Variants in BMP2 observed in about 807,000 individuals in gnomAD.
The protein encoded by BMP2 is bone morphogenetic protein 2A.
Under a neutral mutation model 28.8 loss-of-function variants are expected in BMP2, and 2 were observed. The ratio of observed to expected loss-of-function variants is 0.07; its 90% CI spans 0.03 to 0.22. The LOEUF (loss-of-function observed/expected upper bound fraction) is 0.22. Ranked by LOEUF, BMP2 falls within the 10% of genes least tolerant of loss-of-function variation. The pLI, the probability that BMP2 is intolerant of heterozygous loss-of-function variation, is 1.00. For missense variants in BMP2, 437 were observed against 517.7 expected (o/e 0.84, Z 1.51); for synonymous variants, 218 against 204.3 (o/e 1.07, Z -0.57).
rs1357796653 is a variant in BMP2 at position 6,768,053 on chromosome 20, G to A, written c.-830G>A. 3 of 398,100 alleles carry A rather than the reference G, an allele frequency of 7.5e-6. No individual in the cohort carries two copies. Among genetic ancestry groups the A allele is most frequent in the Non-Finnish European group, 1.3e-5 (3 of 225,884 alleles). The allele number at this position is 398,100 out of a possible 1,614,324, so 24.7% of individuals were successfully genotyped here. A position where few individuals can be genotyped will look rare whatever the true frequency, so the allele number is the denominator to read the frequency against. On this transcript the variant is annotated 5_prime_UTR_variant, in exon 1 of 3. Transcript: ENST00000378827. ...CGGAGCACCTACTGCAGGAGATCGG[G>A]GGCCTGGGACGCGCTGGCCGAGGTG...
In BMP2 at chr20:6,770,416, A is replaced by G. The variant is rs1285712947; in HGVS notation, c.290A>G (p.His97Arg). The G allele has an allele frequency of 1.9e-6, 3 of 1,610,470 alleles. No individual in the cohort carries two copies. The highest frequency in any genetic ancestry group is 1.3e-5 in the African/African-American group (1 of 74,854). The change falls in exon 2 of 3, where the codon CAC (histidine) becomes CGC (arginine). Residue 97 changes from histidine (H) to arginine (R), a missense_variant. His to Arg is a conservative substitution (Grantham distance 29). This residue lies in a region of BMP2 where 363 missense variants were observed against 392.8 expected (regional missense o/e 0.92). Coordinates refer to ENST00000378827, the MANE Select transcript of BMP2 (RefSeq NM_001200.4). ...SGQPGSPAPD[H>R]RLERAASRAN... Reference sequence around the variant, plus strand: ...CAGCCGGGCTCACCCGCCCCAGACCACCGGTTGGAGAGGGCAGCCAGCCGA... The same window carrying G: ...CAGCCGGGCTCACCCGCCCCAGACCGCCGGTTGGAGAGGGCAGCCAGCCGA...
chr20:6,770,285 C>A lies in BMP2; in HGVS notation c.159C>A (p.Phe53Leu). 6.2e-7 allele frequency: 1 copy of A among 1,613,456 alleles called. No individual in the cohort carries two copies. The highest frequency in any genetic ancestry group is 8.5e-7 in the Non-Finnish European group (1 of 1,179,884). ...SQPSDEVLSEFELRLLSMFGL... is the reference protein window; with the variant it reads ...SQPSDEVLSELELRLLSMFGL... ...CCTCTGACGAGGTCCTGAGCGAGTTCGAGTTGCGGCTGCTCAGCATGTTCG... is the reference window on the plus strand; with the variant it reads ...CCTCTGACGAGGTCCTGAGCGAGTTAGAGTTGCGGCTGCTCAGCATGTTCG... Residue 53 changes from phenylalanine to leucine, a missense_variant, in exon 2 of 3, where the codon TTC becomes TTA. Transcript: ENST00000378827.
rs147542801 is a variant in BMP2 at position 6,778,789 on chromosome 20, G to A, written c.891G>A (p.Lys297=). 4.2e-4 allele frequency: 677 copies of A among 1,614,194 alleles called. 1 individual carries two copies. Among genetic ancestry groups the A allele is most frequent in the Middle Eastern group, 1.6e-3 (10 of 6,062 alleles). Residue 297 remains lysine, a synonymous_variant, in exon 3 of 3, where the codon AAG becomes AAA. Transcript: ENST00000378827. The surrounding 1 kb of genome is among the most constrained non-coding windows in gnomAD (Gnocchi z 5.0). ...GGAAACGCCTTAAGTCCAGCTGTAAGAGACACCCTTTGTACGTGGACTTCA... is the reference window on the plus strand; with the variant it reads ...GGAAACGCCTTAAGTCCAGCTGTAAAAGACACCCTTTGTACGTGGACTTCA... ...KQRKRLKSSC[K]RHPLYVDFSD... is the part of the protein sequence containing the mutation.
intron 2 of BMP2, among the ~76,000 whole-genome samples, chr20:6,774,268 G>A (rs1441365431): frequency 6.6e-6 from 1 of 152,014 alleles, no homozygotes; most frequent in East Asian, 1.9e-4. Flanking sequence ...GCTAATACCT[G>A]TAATCCCAGC....
At position 6,770,542 on chromosome 20, in the gene BMP2, G is replaced by C. The variant is rs943783571; in HGVS notation, c.346+70G>C. ...AGCCCTCCACCGTGGGCAGACTGCA[G>C]CCGTCCCTGTAGAGGCAGCTTGGCC... On this transcript the variant is annotated intron_variant, in intron 2 of 2. Coordinates refer to ENST00000378827, the MANE Select transcript of BMP2 (RefSeq NM_001200.4). The C allele has an allele frequency of 2.7e-6, 4 of 1,455,126 alleles. No individual in the cohort carries two copies. The Admixed American group carries it at 9.5e-5, about 35-fold the overall frequency. The allele number at this position is 1,455,126 out of a possible 1,614,324, so 90.1% of individuals were successfully genotyped here. A position where few individuals can be genotyped will look rare whatever the true frequency, so the allele number is the denominator to read the frequency against.
Position 6,769,612 on chromosome 20 carries a change from G to GGTGTGTGTGTGTGTGT in BMP2, c.-7-487_-7-472dup, listed in dbSNP as rs61071559. ...GCTTACAGGGTCTGGAAGCTATAAG[G>GGTGTGTGTGTGTGTGT]GTGTGTGTGTGTGTGTGTGTGTGTG... On this transcript the variant is annotated intron_variant, in intron 1 of 2. Transcript: ENST00000378827. Among the ~76,000 whole-genome samples the GGTGTGTGTGTGTGTGT allele has an allele frequency of 2.4e-3, 331 of 139,990 alleles. 5 individuals carry two copies. Among genetic ancestry groups the GGTGTGTGTGTGTGTGT allele is most frequent in the South Asian group, 6.1e-3 (26 of 4,242 alleles). 91.8% of individuals were successfully genotyped at this position (139,990 alleles called of 152,430 possible).
In BMP2 at chr20:6,778,623, G is replaced by T; in HGVS notation, c.725G>T (p.Arg242Ile). The change falls in exon 3 of 3, where the codon AGA (arginine) becomes ATA (isoleucine). Residue 242 changes from arginine (R) to isoleucine (I), a missense_variant. This residue lies in a region of BMP2 where 363 missense variants were observed against 392.8 expected (regional missense o/e 0.92). Coordinates refer to ENST00000378827, the MANE Select transcript of BMP2 (RefSeq NM_001200.4). The surrounding 1 kb of genome is among the most constrained non-coding windows in gnomAD (Gnocchi z 5.0). ...GAGGAGAAACAAGGTGTCTCCAAGA[G>T]ACATGTTAGGATAAGCAGGTCTTTG... is the stretch of plus-strand genomic sequence containing the variant. The part of the protein sequence containing the change: ...HLEEKQGVSK[R>I]HVRISRSLHQ... 6.2e-7 allele frequency: 1 copy of T among 1,614,082 alleles called. No individual in the cohort carries two copies. Among genetic ancestry groups the T allele is most frequent in the Non-Finnish European group, 8.5e-7 (1 of 1,179,968 alleles).
rs2122389750 is a variant in BMP2 at position 6,778,147 on chromosome 20, G to A, written c.347-98G>A. 2 of 1,491,018 alleles carry A rather than the reference G, an allele frequency of 1.3e-6. No individual in the cohort carries two copies. The highest frequency in any genetic ancestry group is 2.3e-5 in the East Asian group (1 of 43,676). The allele number at this position is 1,491,018 out of a possible 1,614,324, so 92.4% of individuals were successfully genotyped here. ...CATGGGTTACATCAAATCCCACGAT[G>A]AGGTTTAAAAATTCTCATAGATAAT... On this transcript the variant is annotated intron_variant, in intron 2 of 2. Coordinates refer to ENST00000378827, the MANE Select transcript of BMP2 (RefSeq NM_001200.4). The surrounding 1 kb of genome is among the most constrained non-coding windows in gnomAD (Gnocchi z 5.0).
At chr20:6,773,247 C>T (rs536441416) in intron 2 of BMP2, among the ~76,000 whole-genome samples, 10 of 152,308 alleles carry the variant, frequency 6.6e-5, no homozygotes, top group African/African-American at 2.2e-4. Context: ...ATAACTATTG[C>T]CCTGCATTAG....
At position 6,778,852 on chromosome 20, in the gene BMP2, G is replaced by A. The variant is rs778084596; in HGVS notation, c.954G>A (p.Pro318=). The A allele has an allele frequency of 8.7e-6, 14 of 1,614,074 alleles. No individual in the cohort carries two copies. The highest frequency in any genetic ancestry group is 3.3e-5 in the Admixed American group (2 of 60,014). The change falls in exon 3 of 3, where the codon CCG becomes CCA. Residue 318 remains proline (P), a synonymous_variant. Transcript: ENST00000378827. The surrounding 1 kb of genome is among the most constrained non-coding windows in gnomAD (Gnocchi z 5.0). ...VGWNDWIVAP[P]GYHAFYCHGE... ...GGAATGACTGGATTGTGGCTCCCCC[G>A]GGGTATCACGCCTTTTACTGCCACG...
chr20:6,771,500 C>A (rs1430936957), intron 2 of BMP2, among the ~76,000 whole-genome samples: 2 of 152,152 alleles, frequency 1.3e-5, no homozygotes, highest in African/African-American at 2.4e-5. Flanking sequence ...GAGTGAAGTT[C>A]TCTTTCTTGC....
intron 1 of BMP2, 146 bp from the exon 2 acceptor site, chr20:6,769,974 C>G (rs544133584): frequency 1.0e-5 from 8 of 761,974 alleles, no homozygotes; most frequent in South Asian, 9.4e-5. Flanking sequence ...GAGCTTCGGT[C>G]GGTCTTACCT....
chr20:6,773,649 A>G (rs1373580371), intron 2 of BMP2, among the ~76,000 whole-genome samples: 1 of 152,218 alleles, frequency 6.6e-6, no homozygotes, highest in Non-Finnish European at 1.5e-5. Context: ...GTTGTTGATG[A>G]CAACCATGCT....
In BMP2 at chr20:6,778,741, A is replaced by G; in HGVS notation, c.843A>G (p.Lys281=). Residue 281 remains lysine (K), a synonymous_variant, in exon 3 of 3, where the codon AAA becomes AAG. Coordinates refer to ENST00000378827, the MANE Select transcript of BMP2 (RefSeq NM_001200.4). The surrounding 1 kb of genome is among the most constrained non-coding windows in gnomAD (Gnocchi z 5.0). ...GGCATCCTCTCCACAAAAGAGAAAAACGTCAAGCCAAACACAAACAGCGGA... is the reference window on the plus strand; with the variant it reads ...GGCATCCTCTCCACAAAAGAGAAAAGCGTCAAGCCAAACACAAACAGCGGA... ...GKGHPLHKRE[K]RQAKHKQRKR... 1 of 1,614,156 alleles carries G rather than the reference A, an allele frequency of 6.2e-7. No individual in the cohort carries two copies. The highest frequency in any genetic ancestry group is 8.5e-7 in the Non-Finnish European group (1 of 1,180,028).
chr20:6,772,266 T>C (rs1381503873), intron 2 of BMP2, among the ~76,000 whole-genome samples: 1 of 152,242 alleles, frequency 6.6e-6, no homozygotes, highest in Non-Finnish European at 1.5e-5. Flanking sequence ...AATCAGAATT[T>C]ATATCTTTGT....
intron 2 of BMP2, among the ~76,000 whole-genome samples, chr20:6,772,957 T>C (rs531735539): frequency 6.4e-4 from 98 of 152,344 alleles, no homozygotes; most frequent in African/African-American, 2.3e-3. Context: ...AAGTCAGTTC[T>C]GCAAGTGGAA....
chr20:6,779,166 A>T lies in BMP2; in HGVS notation c.*77A>T. The T allele has an allele frequency of 1.4e-6, 1 of 707,538 alleles. No individual in the cohort carries two copies. Among genetic ancestry groups the T allele is most frequent in the East Asian group, 4.6e-5 (1 of 21,828 alleles). 43.8% of individuals were successfully genotyped at this position (707,538 alleles called of 1,614,324 possible). ...AAGAAAAAAACAAACAAACAAAAAA[A>T]CCCCACCCCAGTTGACACTTTAATA... On this transcript the variant is annotated 3_prime_UTR_variant, in exon 3 of 3. Coordinates refer to ENST00000378827, the MANE Select transcript of BMP2 (RefSeq NM_001200.4).
At chr20:6,773,212 T>A (rs1257420962) in intron 2 of BMP2, among the ~76,000 whole-genome samples, 1 of 152,178 alleles carries the variant, frequency 6.6e-6, no homozygotes, top group Non-Finnish European at 1.5e-5. Context: ...TATGAAAATA[T>A]CCATATAATA....
Position 6,770,215 on chromosome 20 carries a change from G to A in BMP2, c.89G>A (p.Arg30His), listed in dbSNP as rs1179247089. The A allele has an allele frequency of 3.8e-6, 6 of 1,595,998 alleles. No homozygotes were observed. Among genetic ancestry groups the A allele is most frequent in the Non-Finnish European group, 4.3e-6 (5 of 1,172,330 alleles). ...GAAGLVPELGRRKFAAASSGR... is the reference protein window; with the variant it reads ...GAAGLVPELGHRKFAAASSGR... ...GCTGGCCTCGTTCCGGAGCTGGGCC[G>A]CAGGAAGTTCGCGGCGGCGTCGTCG... Residue 30 changes from arginine (R) to histidine (H), a missense_variant, in exon 2 of 3, where the codon CGC becomes CAC. Physicochemically the swap from Arg to His is conservative, Grantham distance 29. Transcript: ENST00000378827.
Sources: allele counts gnomAD v4.1 joint callset (sites outside exome capture counted in the v4.1 genomes callset), GRCh38; gene constraint gnomAD v4.1.1; regional missense constraint gnomAD v4.1.1; non-coding constraint Gnocchi (gnomAD v3.1); transcripts MANE v1.5; gene names NCBI Gene and HGNC (gene_info 2026-07-23, HGNC 2026-07-21).